The following MYO5B variants were observed in gnomAD, a reference collection of about 807,000 sequenced individuals.
MYO5B encodes unconventional myosin-Vb.
A neutral mutation model predicts 229.3 loss-of-function variants in MYO5B; 143 were observed. The observed-to-expected ratio is 0.62, with a 90% CI of 0.54 to 0.72. MYO5B has a LOEUF of 0.72. MYO5B is among the 30% of genes least tolerant of loss of function. The probability of loss-of-function intolerance (pLI) is 0.00; values close to 1 mark genes in which losing one functional copy is unlikely to be tolerated. For missense variants in MYO5B, 2,321 were observed against 2,331.0 expected, an observed-to-expected ratio of 1.00 and a Z score of 0.09; for synonymous variants, 918 against 885.2, an observed-to-expected ratio of 1.04 and a Z score of -0.66.
intron 10 of MYO5B, among the ~76,000 whole-genome samples, chr18:49,967,890 G>T (rs952708540): frequency 3.9e-5 from 6 of 152,050 alleles, no homozygotes; most frequent in African/African-American, 1.2e-4. Flanking sequence ...ACAATCCCAG[G>T]CACTGTTCAC....
intron 21 of MYO5B, among the ~76,000 whole-genome samples, chr18:49,898,977 T>C (rs1315277132): frequency 2.0e-5 from 3 of 152,300 alleles, no homozygotes; most frequent in South Asian, 2.1e-4. Context: ...CAGTGAATTT[T>C]TGAGCTAGAT....
Position 49,980,443 on chromosome 18 carries a change from C to T in MYO5B, c.1056+1G>A, listed in dbSNP as rs1213876310. 1.3e-6 allele frequency: 2 copies of T among 1,599,346 alleles called. No individual in the cohort carries two copies. Among genetic ancestry groups the T allele is most frequent in the South Asian group, 1.1e-5 (1 of 90,766 alleles). On this transcript the variant is annotated splice_donor_variant, in intron 9 of 39. Coordinates refer to ENST00000285039, the MANE Select transcript of MYO5B (RefSeq NM_001080467.3). LOFTEE classifies it high-confidence loss of function. ...ATCTCCGGTGTTGGTGTGCAACTTA[C>T]TGATATACTACAGGAATCACCATCA...
At chr18:49,959,761 G>A (rs1376600287) in intron 12 of MYO5B, among the ~76,000 whole-genome samples, 1 of 152,156 alleles carries the variant, frequency 6.6e-6, no homozygotes, top group Admixed American at 6.5e-5. Context: ...AATGGGAAGA[G>A]GATATTAGGA....
intron 1 of MYO5B, among the ~76,000 whole-genome samples, chr18:50,060,698 CT>C (rs2030665594): frequency 6.6e-6 from 1 of 152,202 alleles, no homozygotes; most frequent in Non-Finnish European, 1.5e-5. Context: ...CTTTATTCCA[CT>C]GCAGGGCCAG....
intron 16 of MYO5B, among the ~76,000 whole-genome samples, chr18:49,930,846 C>T (rs369333978): frequency 1.3e-3 from 201 of 150,710 alleles, no homozygotes; most frequent in African/African-American, 4.7e-3. Context: ...GAGCTGAGAT[C>T]GTGCCACTGC....
In MYO5B at chr18:49,826,454, G is replaced by T; in HGVS notation, c.*17C>A. 1 of 1,612,106 alleles carries T rather than the reference G, an allele frequency of 6.2e-7. No individual in the cohort carries two copies. Among genetic ancestry groups the T allele is most frequent in the Non-Finnish European group, 8.5e-7 (1 of 1,179,176 alleles). On this transcript the variant is annotated 3_prime_UTR_variant, in exon 40 of 40. Transcript: ENST00000285039. ...TGCTCACATTGGGAATCAAACTAAT[G>T]CTGGAAACATGCATCTTCAGACTTC...
intron 14 of MYO5B, among the ~76,000 whole-genome samples, chr18:49,953,022 C>T (rs1302279480): frequency 1.3e-5 from 2 of 152,136 alleles, no homozygotes; most frequent in Non-Finnish European, 2.9e-5. Context: ...CCTACCCCTA[C>T]ACTCCTTGCT....
chr18:49,951,116 T>C (rs1190234784), intron 14 of MYO5B, among the ~76,000 whole-genome samples: 1 of 152,170 alleles, frequency 6.6e-6, no homozygotes, highest in Non-Finnish European at 1.5e-5. Flanking sequence ...GTGTCATGAC[T>C]TGCTTCTAGG....
At chr18:49,865,073 C>T (rs1020560596) in intron 27 of MYO5B, among the ~76,000 whole-genome samples, 2 of 152,150 alleles carry the variant, frequency 1.3e-5, no homozygotes, top group Admixed American at 6.5e-5. Flanking sequence ...CACAAACTGC[C>T]GGCAGGACCC....
intron 26 of MYO5B, among the ~76,000 whole-genome samples, chr18:49,872,908 T>G (rs903839735): frequency 6.6e-6 from 1 of 152,216 alleles, no homozygotes; most frequent in Non-Finnish European, 1.5e-5. Flanking sequence ...TCAGCAGCCC[T>G]AGGAAGCTAA....
intron 17 of MYO5B, among the ~76,000 whole-genome samples, chr18:49,924,569 T>C (rs2025109213): frequency 6.6e-6 from 1 of 152,196 alleles, no homozygotes; most frequent in African/African-American, 2.4e-5. Flanking sequence ...GGAGGGAGTT[T>C]TGCACTGTCT....
chr18:49,964,390 G>A (rs1384928258), intron 10 of MYO5B, among the ~76,000 whole-genome samples: 1 of 151,986 alleles, frequency 6.6e-6, no homozygotes. Flanking sequence ...TTCTGTTGAT[G>A]GGTGATGCAT....
chr18:49,898,485 C>T (rs552498580), intron 21 of MYO5B, among the ~76,000 whole-genome samples: 2 of 152,266 alleles, frequency 1.3e-5, no homozygotes, highest in South Asian at 2.1e-4. Context: ...GGCAGAGAGC[C>T]GAGTTCACGG....
chr18:49,912,530 T>C (rs1333760803), intron 17 of MYO5B, among the ~76,000 whole-genome samples: 1 of 152,190 alleles, frequency 6.6e-6, no homozygotes, highest in Non-Finnish European at 1.5e-5. Flanking sequence ...AGGTACCCAG[T>C]GGGAGATAAC....
At chr18:50,050,932 G>A (rs542373014) in intron 2 of MYO5B, among the ~76,000 whole-genome samples, 67 of 152,248 alleles carry the variant, frequency 4.4e-4, no homozygotes, top group Admixed American at 9.8e-4. Context: ...GCTTCTCCAC[G>A]TGCTCTTGTC....
chr18:49,837,052 A>C (rs966289194), intron 37 of MYO5B, among the ~76,000 whole-genome samples, 167 bp from the exon 38 acceptor site: 2 of 152,264 alleles, frequency 1.3e-5, no homozygotes, highest in Non-Finnish European at 2.9e-5. Context: ...TTGTTGAATA[A>C]AGAATGAATA....
intron 27 of MYO5B, 42 bp from the exon 28 acceptor site, chr18:49,864,422 T>C (rs759587013): frequency 6.2e-7 from 1 of 1,607,532 alleles, no homozygotes; most frequent in Admixed American, 1.7e-5. Flanking sequence ...CTCCCTGCCC[T>C]AGGGCTCTCT....
intron 12 of MYO5B, among the ~76,000 whole-genome samples, chr18:49,955,821 G>A (rs1003594052): frequency 1.3e-5 from 2 of 152,168 alleles, no homozygotes; most frequent in Non-Finnish European, 2.9e-5. Context: ...TAGAACCACC[G>A]GGTGTGAAGG....
At chr18:49,922,953 C>A (rs2025090705) in intron 17 of MYO5B, among the ~76,000 whole-genome samples, 1 of 152,154 alleles carries the variant, frequency 6.6e-6, no homozygotes, top group Non-Finnish European at 1.5e-5. Context: ...GTAGGAGAAT[C>A]CATTTTCCAC....
Sources: allele counts gnomAD v4.1 joint callset (sites outside exome capture counted in the v4.1 genomes callset), GRCh38; gene constraint gnomAD v4.1.1; transcripts MANE v1.5; gene names NCBI Gene and HGNC (gene_info 2026-07-23, HGNC 2026-07-21).